The following KAZN variants were observed in gnomAD, a reference collection of about 807,000 sequenced individuals.
KAZN encodes kazrin.
KAZN carries 40 observed loss-of-function variants against 87.4 expected under a neutral mutation model. That is an observed-to-expected ratio of 0.46 (90% confidence interval 0.36 to 0.60). The LOEUF (loss-of-function observed/expected upper bound fraction) is 0.60, where lower values mean the gene tolerates loss of function less well. Among genes scored for constraint, KAZN ranks in the 20% least tolerant of loss-of-function variants. The pLI is 0.00. For missense variants in KAZN, 898 were observed against 1,073.9 expected (o/e 0.84, Z 2.29); for synonymous variants, 466 against 458.3 (o/e 1.02, Z -0.22).
chr1:14,729,111 C>T (rs771025741), intron 1 of KAZN, among the ~76,000 whole-genome samples: 2 of 152,250 alleles, frequency 1.3e-5, no homozygotes, highest in Admixed American at 6.5e-5. Flanking sequence ...GAATGTGCTC[C>T]GCAGCACATG....
intron 2 of KAZN, among the ~76,000 whole-genome samples, chr1:14,246,295 A>G (rs1649497184): frequency 6.6e-6 from 1 of 152,002 alleles, no homozygotes; most frequent in Non-Finnish European, 1.5e-5. Context: ...CTATGTGGCA[A>G]ACCTGCACAT....
intron 1 of KAZN, among the ~76,000 whole-genome samples, chr1:14,764,500 C>CA (rs1043134852): frequency 7.0e-6 from 1 of 142,710 alleles, no homozygotes; most frequent in African/African-American, 2.8e-5. Flanking sequence ...CGCCCCTCTG[C>CA]CCCCCCATAG....
intron 1 of KAZN, among the ~76,000 whole-genome samples, chr1:13,903,820 G>A (rs1421239655): frequency 6.6e-6 from 1 of 152,090 alleles, no homozygotes; most frequent in African/African-American, 2.4e-5. Flanking sequence ...TAAGAGGGTG[G>A]TGCTCTTAGC....
At chr1:14,802,404 CAA>C (rs35172215) in intron 1 of KAZN, among the ~76,000 whole-genome samples, 108 of 135,342 alleles carry the variant, frequency 8.0e-4, no homozygotes, top group African/African-American at 9.8e-4. Flanking sequence ...ACTCTTGTCT[CAA>C]AAAAAAAAAA....
chr1:14,448,200 C>A (rs973861685), intron 2 of KAZN, among the ~76,000 whole-genome samples: 8 of 152,224 alleles, frequency 5.3e-5, no homozygotes, highest in Non-Finnish European at 8.8e-5. Context: ...GAGGAGGGCA[C>A]TGAGACTGAG....
At chr1:14,806,472 G>A (rs190863356) in intron 1 of KAZN, among the ~76,000 whole-genome samples, 1 of 152,244 alleles carries the variant, frequency 6.6e-6, no homozygotes. Flanking sequence ...CTTCTCATTT[G>A]GGCTTTCTCA....
intron 8 of KAZN, among the ~76,000 whole-genome samples, chr1:15,083,111 T>G (rs1259671813): frequency 1.3e-5 from 2 of 152,130 alleles, no homozygotes; most frequent in Non-Finnish European, 2.9e-5. Context: ...GAGGCCCAGG[T>G]GACCCCATTC....
intron 1 of KAZN, among the ~76,000 whole-genome samples, chr1:14,167,803 T>C (rs1645865072): frequency 6.6e-6 from 1 of 151,876 alleles, no homozygotes; most frequent in African/African-American, 2.4e-5. Context: ...AGCAAGGAAG[T>C]AAAAGGCCTT....
intron 2 of KAZN, among the ~76,000 whole-genome samples, chr1:14,972,932 T>G (rs1665231739): frequency 6.6e-6 from 1 of 151,982 alleles, no homozygotes; most frequent in Admixed American, 6.6e-5. Flanking sequence ...GACTGCAGTT[T>G]CACTCAGATT....
At chr1:14,601,852 T>C (rs765396871) in intron 1 of KAZN, among the ~76,000 whole-genome samples, 1 of 152,230 alleles carries the variant, frequency 6.6e-6, no homozygotes, top group African/African-American at 2.4e-5. Context: ...AATGCAACCG[T>C]GTAAGTCATC....
chr1:14,322,568 C>T (rs1280652396), intron 2 of KAZN, among the ~76,000 whole-genome samples: 2 of 152,186 alleles, frequency 1.3e-5, no homozygotes, highest in Non-Finnish European at 2.9e-5. Context: ...CTCCCAGTCT[C>T]CTACCTAAAG....
At chr1:14,689,295 C>G (rs937405692) in intron 1 of KAZN, among the ~76,000 whole-genome samples, 7 of 152,182 alleles carry the variant, frequency 4.6e-5, no homozygotes, top group African/African-American at 1.7e-4. Context: ...ATGAAACTTA[C>G]AGAGAGCTAC....
At chr1:15,054,222 G>A (rs1212422818) in intron 4 of KAZN, among the ~76,000 whole-genome samples, 1 of 152,062 alleles carries the variant, frequency 6.6e-6, no homozygotes, top group East Asian at 1.9e-4. Flanking sequence ...GTTCACATGA[G>A]AGGCAAAGCC....
chr1:14,681,966 G>A (rs539741264), intron 1 of KAZN, among the ~76,000 whole-genome samples: 55 of 151,816 alleles, frequency 3.6e-4, no homozygotes, highest in African/African-American at 1.2e-3. Context: ...GATTACAGGC[G>A]TGAGCCACCG....
intron 1 of KAZN, among the ~76,000 whole-genome samples, chr1:14,112,816 C>G (rs188443608): frequency 4.0e-4 from 61 of 152,310 alleles, no homozygotes; most frequent in Admixed American, 2.0e-3. Flanking sequence ...TTGGTTTTGT[C>G]TCTTGACCTT....
intron 2 of KAZN, among the ~76,000 whole-genome samples, chr1:14,972,132 T>C (rs1665118523): frequency 6.6e-6 from 1 of 152,198 alleles, no homozygotes; most frequent in Non-Finnish European, 1.5e-5. Flanking sequence ...AGCCAGGCTC[T>C]CCAAATGCCT....
chr1:14,895,275 T>C (rs559550591), intron 1 of KAZN, among the ~76,000 whole-genome samples: 5 of 152,362 alleles, frequency 3.3e-5, no homozygotes, highest in South Asian at 2.1e-4. Flanking sequence ...TCCCCTGCCG[T>C]GGCTTGCATG....
intron 1 of KAZN, among the ~76,000 whole-genome samples, chr1:14,006,027 A>G (rs1196004622): frequency 6.6e-6 from 1 of 152,184 alleles, no homozygotes; most frequent in Non-Finnish European, 1.5e-5. Flanking sequence ...CATTCTCAGG[A>G]TTCAAATATA....
At chr1:14,760,627 A>G (rs1393224531) in intron 1 of KAZN, among the ~76,000 whole-genome samples, 2 of 152,190 alleles carry the variant, frequency 1.3e-5, no homozygotes, top group African/African-American at 4.8e-5. Flanking sequence ...TCCAATATGT[A>G]AGACCCTCTG....
Sources: gnomAD v4.1 joint callset for allele counts (sites outside exome capture counted in the v4.1 genomes callset) on GRCh38, gnomAD v4.1.1 for gene constraint, MANE v1.5 for transcripts, NCBI Gene and HGNC (gene_info 2026-07-23, HGNC 2026-07-21) for gene names.